The following BTBD9 variants were observed in gnomAD, a reference collection of about 807,000 sequenced individuals.
BTBD9 encodes the protein BTB/POZ domain-containing protein 9.
BTBD9 carries 49 observed loss-of-function variants against 64.3 expected under a neutral mutation model. The observed-to-expected ratio is 0.76, with a 90% CI of 0.61 to 0.97. BTBD9 has a LOEUF of 0.97. BTBD9 is among the 50% of genes least tolerant of loss of function. BTBD9 has a pLI of 0.00. For missense variants in BTBD9, 598 were observed against 762.1 expected, an observed-to-expected ratio of 0.78 and a Z score of 2.53; for synonymous variants, 260 against 274.7, an observed-to-expected ratio of 0.95 and a Z score of 0.53.
intron 6 of BTBD9, among the ~76,000 whole-genome samples, chr6:38,404,559 A>G (rs534937831): frequency 5.9e-5 from 9 of 152,312 alleles, no homozygotes; most frequent in African/African-American, 2.2e-4. Flanking sequence ...AATAAAAAAA[A>G]ACAAAACCCC....
At chr6:38,291,061 T>C (rs1351886150) in intron 7 of BTBD9, among the ~76,000 whole-genome samples, 2 of 152,226 alleles carry the variant, frequency 1.3e-5, no homozygotes, top group Non-Finnish European at 2.9e-5. Context: ...AGGTAAGAGT[T>C]TCTTAAAGGA....
rs58761755 is a variant in BTBD9 at position 38,330,511 on chromosome 6, A to G, written c.1264+14473T>C. On this transcript the variant is annotated intron_variant, in intron 7 of 10. Coordinates refer to ENST00000481247, the MANE Select transcript of BTBD9 (RefSeq NM_001099272.2). ...AGGACAGCCTGGGCAACATAGCAAG[A>G]CCTCGTCTCATAAAAAATAAAATAC... 5.3e-5 allele frequency among the ~76,000 whole-genome samples: 8 copies of G among 152,200 alleles called. 1 individual carries two copies. The East Asian group carries it at 1.4e-3, about 26-fold the overall frequency.
At chr6:38,524,246 G>A (rs1773389264) in intron 6 of BTBD9, among the ~76,000 whole-genome samples, 1 of 151,938 alleles carries the variant, frequency 6.6e-6, no homozygotes, top group South Asian at 2.1e-4. Flanking sequence ...TATACAAAAG[G>A]TTTAATTAAA....
intron 6 of BTBD9, among the ~76,000 whole-genome samples, chr6:38,548,368 T>C (rs1019369595): frequency 1.3e-5 from 2 of 152,232 alleles, no homozygotes; most frequent in Admixed American, 1.3e-4. Context: ...TTACGTATGC[T>C]TTGTAATTTA....
chr6:38,279,716 G>A (rs1326350248), intron 8 of BTBD9, among the ~76,000 whole-genome samples: 1 of 151,992 alleles, frequency 6.6e-6, no homozygotes, highest in Non-Finnish European at 1.5e-5. Context: ...GAACAATTCT[G>A]GTTTTTAAAA....
At chr6:38,568,083 T>G (rs1035422729) in intron 6 of BTBD9, among the ~76,000 whole-genome samples, 4 of 152,210 alleles carry the variant, frequency 2.6e-5, no homozygotes, top group Non-Finnish European at 4.4e-5. Context: ...ATATAATTAA[T>G]GGCTAATTGG....
chr6:38,501,926 T>C (rs1362019007), intron 6 of BTBD9, among the ~76,000 whole-genome samples: 5 of 152,206 alleles, frequency 3.3e-5, no homozygotes, highest in African/African-American at 9.6e-5. Flanking sequence ...AACAAATAAA[T>C]ATTGACATAT....
chr6:38,302,523 A>ATATATC (rs1762452058), intron 7 of BTBD9, among the ~76,000 whole-genome samples: 2 of 132,928 alleles, frequency 1.5e-5, no homozygotes, highest in Non-Finnish European at 3.2e-5. Context: ...ATATATATAT[A>ATATATC]TCACATTCTC....
chr6:38,540,602 C>T (rs116632323), intron 6 of BTBD9, among the ~76,000 whole-genome samples: 2,240 of 152,242 alleles, frequency 0.015, 40 homozygotes, highest in African/African-American at 0.05. Flanking sequence ...AAGCCTGGCT[C>T]TGTTCAGATT....
At chr6:38,202,648 G>T (rs1220071255) in intron 9 of BTBD9, among the ~76,000 whole-genome samples, 1 of 151,982 alleles carries the variant, frequency 6.6e-6, no homozygotes, top group Non-Finnish European at 1.5e-5. Flanking sequence ...AAGGAACCAA[G>T]AACTTACACC....
chr6:38,396,225 T>C (rs1276648276), intron 6 of BTBD9, among the ~76,000 whole-genome samples: 1 of 152,202 alleles, frequency 6.6e-6, no homozygotes, highest in Non-Finnish European at 1.5e-5. Flanking sequence ...CAGAGCTACA[T>C]TTAGCAAGAA....
chr6:38,311,342 A>C (rs1342408813), intron 7 of BTBD9, among the ~76,000 whole-genome samples: 1 of 152,094 alleles, frequency 6.6e-6, no homozygotes, highest in East Asian at 1.9e-4. Flanking sequence ...AGTAAGTGAG[A>C]GCCTGGCTTA....
At chr6:38,388,960 G>A (rs1766296550) in intron 6 of BTBD9, among the ~76,000 whole-genome samples, 2 of 152,112 alleles carry the variant, frequency 1.3e-5, no homozygotes, top group Non-Finnish European at 2.9e-5. Context: ...TAGCAAGAGA[G>A]CATTTTAAAC....
At chr6:38,370,387 G>T (rs1402029841) in intron 6 of BTBD9, among the ~76,000 whole-genome samples, 1 of 152,152 alleles carries the variant, frequency 6.6e-6, no homozygotes, top group East Asian at 1.9e-4. Flanking sequence ...CTTTGCTTTG[G>T]GCTTTAAGGC....
Position 38,411,250 on chromosome 6 carries a change from G to A in BTBD9, c.1155-66157C>T, listed in dbSNP as rs566371554. Among the ~76,000 whole-genome samples, 8 of 152,242 alleles carry A rather than the reference G, an allele frequency of 5.3e-5. No individual in the cohort carries two copies. The South Asian group carries it at 1.5e-3, about 28-fold the overall frequency. On this transcript the variant is annotated intron_variant, in intron 6 of 10. Transcript: ENST00000481247. ...AAGGCTAATTTAGAAGAGCAATCATGCAAGAATAGCCAAGAAAACCCTGAA... is the reference window on the plus strand; with the variant it reads ...AAGGCTAATTTAGAAGAGCAATCATACAAGAATAGCCAAGAAAACCCTGAA...
chr6:38,298,261 T>C (rs976427050), intron 7 of BTBD9, among the ~76,000 whole-genome samples: 1 of 152,192 alleles, frequency 6.6e-6, no homozygotes, highest in Non-Finnish European at 1.5e-5. Context: ...TATCCTTTTA[T>C]GTCTCTTAAA....
At chr6:38,306,460 G>A (rs1447301491) in intron 7 of BTBD9, among the ~76,000 whole-genome samples, 1 of 152,210 alleles carries the variant, frequency 6.6e-6, no homozygotes, top group African/African-American at 2.4e-5. Context: ...ATTCTGCTCA[G>A]ACAAATTTAA....
chr6:38,480,538 T>C (rs181963733), intron 6 of BTBD9, among the ~76,000 whole-genome samples: 1 of 152,276 alleles, frequency 6.6e-6, no homozygotes. Flanking sequence ...AACATCAAAC[T>C]CTTTTCAAGA....
chr6:38,477,687 T>C (rs1000255990), intron 6 of BTBD9, among the ~76,000 whole-genome samples: 3 of 152,198 alleles, frequency 2.0e-5, no homozygotes, highest in Non-Finnish European at 2.9e-5. Context: ...TATCAGGGAA[T>C]AGGAAAGAAT....
Sources: allele counts gnomAD v4.1 joint callset (sites outside exome capture counted in the v4.1 genomes callset), GRCh38; gene constraint gnomAD v4.1.1; transcripts MANE v1.5; gene names NCBI Gene and HGNC (gene_info 2026-07-23, HGNC 2026-07-21).